RIMS1: variants seen among roughly 807,000 people sequenced by gnomAD.
The protein encoded by RIMS1 is regulating synaptic membrane exocytosis 1.
RIMS1 carries 83 observed loss-of-function variants against 214.1 expected under a neutral mutation model. The ratio of observed to expected loss-of-function variants is 0.39; its 90% CI spans 0.32 to 0.47. The LOEUF (loss-of-function observed/expected upper bound fraction) is 0.47. Ranked by LOEUF, RIMS1 falls within the 20% of genes least tolerant of loss-of-function variation. The probability of loss-of-function intolerance (pLI) is 0.99; values close to 1 mark genes in which losing one functional copy is unlikely to be tolerated. For synonymous variants in RIMS1, 793 were observed against 786.8 expected, an observed-to-expected ratio of 1.01 and a Z score of -0.13; for missense variants, 2,050 against 2,161.8, an observed-to-expected ratio of 0.95 and a Z score of 1.03.
At chr6:72,322,366 A>G (rs1484979863) in intron 28 of RIMS1, among the ~76,000 whole-genome samples, 1 of 152,154 alleles carries the variant, frequency 6.6e-6, no homozygotes, top group African/African-American at 2.4e-5. Context: ...GCTATTCAGT[A>G]TAATTTACAA....
At chr6:72,294,862 A>G (rs1026610367) in intron 26 of RIMS1, among the ~76,000 whole-genome samples, 5 of 151,804 alleles carry the variant, frequency 3.3e-5, no homozygotes, top group African/African-American at 1.2e-4. Flanking sequence ...AGGTGATCAC[A>G]ATACAGATTT....
intron 2 of RIMS1, among the ~76,000 whole-genome samples, chr6:72,091,042 C>T (rs1410899640): frequency 1.3e-5 from 2 of 152,158 alleles, no homozygotes; most frequent in Admixed American, 6.5e-5. Flanking sequence ...GTGCCAAAGG[C>T]GTCAAGGGAA....
chr6:72,298,360 C>T (rs2094300834), intron 26 of RIMS1, among the ~76,000 whole-genome samples: 1 of 151,806 alleles, frequency 6.6e-6, no homozygotes, highest in African/African-American at 2.4e-5. Flanking sequence ...ATTTTCCCGC[C>T]GAAAAGCTAA....
At chr6:72,353,565 G>A (rs1473859486) in intron 29 of RIMS1, among the ~76,000 whole-genome samples, 2 of 152,126 alleles carry the variant, frequency 1.3e-5, no homozygotes, top group African/African-American at 4.8e-5. Context: ...AACAAAAAAC[G>A]TTTGTTCATG....
At chr6:72,363,372 G>C (rs934440804) in intron 29 of RIMS1, among the ~76,000 whole-genome samples, 4 of 152,156 alleles carry the variant, frequency 2.6e-5, no homozygotes, top group Non-Finnish European at 4.4e-5. Flanking sequence ...TGCAATTTTG[G>C]TTTCATCTAA....
chr6:72,288,374 G>T (rs561689723), intron 24 of RIMS1, among the ~76,000 whole-genome samples: 1 of 152,050 alleles, frequency 6.6e-6, no homozygotes, highest in Non-Finnish European at 1.5e-5. Flanking sequence ...CTGCATATGC[G>T]CACAAACACT....
intron 11 of RIMS1, among the ~76,000 whole-genome samples, chr6:72,246,637 TAAAC>T (rs1371908625): frequency 6.6e-6 from 1 of 152,068 alleles, no homozygotes; most frequent in Non-Finnish European, 1.5e-5. Context: ...GAAAGTAGGA[TAAAC>T]AAGGAAACAG....
chr6:72,299,752 A>C (rs1242748135), intron 26 of RIMS1, among the ~76,000 whole-genome samples: 2 of 151,912 alleles, frequency 1.3e-5, no homozygotes, highest in African/African-American at 4.8e-5. Context: ...AGCACATTTC[A>C]ATAGCGTACT....
rs149004022 is a variant in RIMS1 at position 71,893,185 on chromosome 6, C to G, written c.164+5998C>G. Reference sequence around the variant, plus strand: ...GGAAGATGAGCTCTTGGAGAAGAGCCCACCTATCCTTTCATGCTAGCAATG... The same window carrying G: ...GGAAGATGAGCTCTTGGAGAAGAGCGCACCTATCCTTTCATGCTAGCAATG... On this transcript the variant is annotated intron_variant, in intron 1 of 33. Transcript: ENST00000521978. Among the ~76,000 whole-genome samples, 264 of 152,222 alleles carry G rather than the reference C, an allele frequency of 1.7e-3. 2 individuals carry two copies. The highest frequency in any genetic ancestry group is 6.0e-3 in the African/African-American group (250 of 41,530).
intron 29 of RIMS1, among the ~76,000 whole-genome samples, chr6:72,377,760 T>C (rs1185202707): frequency 6.6e-6 from 1 of 152,232 alleles, no homozygotes; most frequent in African/African-American, 2.4e-5. Context: ...AATCCTGATA[T>C]GATCAATGTA....
rs192305460 is a variant in RIMS1, at chr6:71,986,574, A to C, written c.245+17511A>C. 1.3e-3 allele frequency among the ~76,000 whole-genome samples: 204 copies of C among 152,336 alleles called. 2 individuals are homozygous for C. The highest frequency in any genetic ancestry group is 1.7e-3 in the Non-Finnish European group (118 of 68,026). On this transcript the variant is annotated intron_variant, in intron 2 of 33. Coordinates refer to ENST00000521978, the MANE Select transcript of RIMS1 (RefSeq NM_014989.7). The stretch of plus-strand genomic sequence containing the variant: ...CATGACTGGATATAGATGTTGAATG[A>C]GGAGAAAATAGAAATGACTCTGAAG...
intron 16 of RIMS1, among the ~76,000 whole-genome samples, chr6:72,253,737 G>A (rs1054731617): frequency 6.6e-6 from 1 of 152,152 alleles, no homozygotes; most frequent in Admixed American, 6.5e-5. Context: ...CAAATTGGTA[G>A]ATTCTACGAT....
rs564113387 is a variant in RIMS1 at position 71,929,587 on chromosome 6, G to A, written c.165-39396G>A. ...GTATTTAGGCAGGAAACTATTCAAAGAGGACTTGGTTCCCATAAAGTCCAT... is the reference window on the plus strand; with the variant it reads ...GTATTTAGGCAGGAAACTATTCAAAAAGGACTTGGTTCCCATAAAGTCCAT... On this transcript the variant is annotated intron_variant, in intron 1 of 33. Coordinates refer to ENST00000521978, the MANE Select transcript of RIMS1 (RefSeq NM_014989.7). Among the ~76,000 whole-genome samples, 4 of 152,100 alleles carry A rather than the reference G, an allele frequency of 2.6e-5. No individual in the cohort carries two copies. In the East Asian group the frequency reaches 7.7e-4, roughly 29 times the overall value.
chr6:72,221,350 G>A (rs1343773543), intron 6 of RIMS1, among the ~76,000 whole-genome samples: 1 of 150,042 alleles, frequency 6.7e-6, no homozygotes, highest in East Asian at 1.9e-4. Context: ...AAAACTATTA[G>A]TACATCACTT....
At chr6:71,897,235 A>C (rs980259868) in intron 1 of RIMS1, among the ~76,000 whole-genome samples, 2 of 152,268 alleles carry the variant, frequency 1.3e-5, no homozygotes, top group Middle Eastern at 3.4e-3. Flanking sequence ...TTCAGTACTT[A>C]TCTGGATGCC....
chr6:72,103,241 T>C (rs2034017025), intron 4 of RIMS1, among the ~76,000 whole-genome samples: 1 of 152,134 alleles, frequency 6.6e-6, no homozygotes, highest in Non-Finnish European at 1.5e-5. Flanking sequence ...GAAACTTTTA[T>C]GGAAGATAAT....
intron 29 of RIMS1, among the ~76,000 whole-genome samples, chr6:72,342,698 C>T (rs1041976978): frequency 7.3e-5 from 11 of 150,510 alleles, no homozygotes; most frequent in Admixed American, 2.0e-4. Context: ...ATCATTTTTC[C>T]AGGTGAAGAG....
chr6:71,937,672 A>G (rs1198595376), intron 1 of RIMS1, among the ~76,000 whole-genome samples: 2 of 152,110 alleles, frequency 1.3e-5, no homozygotes, highest in Non-Finnish European at 2.9e-5. Context: ...AGAGAGGGAA[A>G]ATGGGGGCTG....
chr6:72,217,243 G>A, intron 6 of RIMS1: 1 of 1,533,978 alleles, frequency 6.5e-7, no homozygotes. Flanking sequence ...CTCAGGAACA[G>A]GTAAACTAAA....
Sources: allele counts gnomAD v4.1 joint callset (sites outside exome capture counted in the v4.1 genomes callset), GRCh38; gene constraint gnomAD v4.1.1; transcripts MANE v1.5; gene names NCBI Gene and HGNC (gene_info 2026-07-23, HGNC 2026-07-21).